Variants in IL1RAPL2 observed in about 807,000 individuals in gnomAD.
IL1RAPL2 encodes X-linked interleukin-1 receptor accessory protein-like 2.
IL1RAPL2 carries 3 observed loss-of-function variants against 44.1 expected under a neutral mutation model. The ratio of observed to expected loss-of-function variants is 0.07; its 90% confidence interval spans 0.03 to 0.18. The LOEUF (loss-of-function observed/expected upper bound fraction) is 0.18. Ranked by LOEUF, IL1RAPL2 falls within the 10% of genes least tolerant of loss-of-function variation. The pLI is 1.00. For synonymous variants in IL1RAPL2, 181 were observed against 178.8 expected (o/e 1.01, Z -0.10); for missense variants, 391 against 496.4 (o/e 0.79, Z 2.02).
At chrX:105,109,767 CAAT>C (rs773802061) in intron 2 of IL1RAPL2, among the ~76,000 whole-genome samples, 11 of 112,203 alleles carry the variant, frequency 9.8e-5, no homozygotes, top group Non-Finnish European at 1.9e-4. Flanking sequence ...AATTATATCT[CAAT>C]AAAGCTGTTA....
chrX:105,606,601 C>G (rs901583014), intron 6 of IL1RAPL2, among the ~76,000 whole-genome samples: 1 of 111,459 alleles, frequency 9.0e-6, no homozygotes, highest in Non-Finnish European at 1.9e-5. Flanking sequence ...TATTTACACC[C>G]CCATGTTTAT....
chrX:105,345,129 C>T lies in IL1RAPL2; in HGVS notation c.697+77588C>T, dbSNP rs183853786. On this transcript the variant is annotated intron_variant, in intron 5 of 10. Transcript: ENST00000372582. ...GTTTCATTTTTAAAATACTTTTAGA[C>T]GACTAATCTACCTAGAGACCTACAT... 7.9e-4 allele frequency among the ~76,000 whole-genome samples: 88 copies of T among 111,441 alleles called. No homozygotes were observed. The East Asian group carries it at 0.021, about 27-fold the overall frequency.
At chrX:104,861,580 G>A (rs748394529) in intron 2 of IL1RAPL2, among the ~76,000 whole-genome samples, 2 of 111,034 alleles carry the variant, frequency 1.8e-5, no homozygotes, top group South Asian at 3.8e-4. Context: ...TGTGTATATG[G>A]TGTGGTAGGT....
At chrX:104,697,348 C>T (rs1467506505) in intron 2 of IL1RAPL2, among the ~76,000 whole-genome samples, 1 of 112,547 alleles carries the variant, frequency 8.9e-6, no homozygotes, top group Non-Finnish European at 1.9e-5. Context: ...CTTTAAGCCT[C>T]CTTCAGTTCT....
intron 2 of IL1RAPL2, among the ~76,000 whole-genome samples, chrX:104,792,958 T>C (rs1053420506): frequency 8.9e-6 from 1 of 112,258 alleles, no homozygotes; most frequent in African/African-American, 3.2e-5. Context: ...ATTATTTCTC[T>C]TGGTCAAAAT....
At chrX:105,585,298 TAG>T (rs770170817) in intron 6 of IL1RAPL2, among the ~76,000 whole-genome samples, 6 of 110,671 alleles carry the variant, frequency 5.4e-5, no homozygotes, top group Non-Finnish European at 1.1e-4. Context: ...TCCTAGGTAC[TAG>T]AGTTTGTTGT....
chrX:105,432,497 C>T (rs964379877), intron 5 of IL1RAPL2, among the ~76,000 whole-genome samples: 4 of 110,628 alleles, frequency 3.6e-5, no homozygotes, highest in Non-Finnish European at 5.7e-5. Flanking sequence ...TGTGGAAATA[C>T]AGATAGGAAA....
At chrX:105,740,001 C>G (rs1262274489) in intron 7 of IL1RAPL2, among the ~76,000 whole-genome samples, 1 of 101,377 alleles carries the variant, frequency 9.9e-6, no homozygotes, top group African/African-American at 3.7e-5. Context: ...CACATCCTCT[C>G]CAGCACCTGT....
At chrX:104,805,030 T>G (rs909034282) in intron 2 of IL1RAPL2, among the ~76,000 whole-genome samples, 3 of 112,038 alleles carry the variant, frequency 2.7e-5, no homozygotes, top group African/African-American at 9.7e-5. Flanking sequence ...ATAGTGCCTT[T>G]TTCTCCTGCT....
intron 5 of IL1RAPL2, among the ~76,000 whole-genome samples, chrX:105,432,008 G>C (rs960906488): frequency 1.8e-5 from 2 of 109,961 alleles, no homozygotes; most frequent in Non-Finnish European, 3.8e-5. Context: ...ATTGTGACCA[G>C]GTTTATCAAC....
At chrX:105,113,202 T>C (rs1277414315) in intron 2 of IL1RAPL2, among the ~76,000 whole-genome samples, 1 of 112,508 alleles carries the variant, frequency 8.9e-6, no homozygotes, top group Non-Finnish European at 1.9e-5. Context: ...GAAATAAGCC[T>C]ATCTACCTTG....
chrX:104,659,905 C>T (rs763384079), intron 2 of IL1RAPL2, among the ~76,000 whole-genome samples: 9 of 111,409 alleles, frequency 8.1e-5, no homozygotes, highest in Non-Finnish European at 1.3e-4. Context: ...TGGAGTTTGG[C>T]TAATGTTTGT....
chrX:104,748,664 C>G (rs905083776), intron 2 of IL1RAPL2, among the ~76,000 whole-genome samples: 1 of 111,270 alleles, frequency 9.0e-6, no homozygotes, highest in Non-Finnish European at 1.9e-5. Context: ...GCCCACAGCC[C>G]TGGGTGGGAT....
intron 5 of IL1RAPL2, among the ~76,000 whole-genome samples, chrX:105,318,895 T>C (rs2034874904): frequency 8.9e-6 from 1 of 112,350 alleles, no homozygotes; most frequent in African/African-American, 3.2e-5. Flanking sequence ...CAAAGGGAAT[T>C]ATAGCTATCG....
At chrX:105,255,467 G>C (rs754623445) in intron 4 of IL1RAPL2, among the ~76,000 whole-genome samples, 10 of 111,926 alleles carry the variant, frequency 8.9e-5, no homozygotes, top group African/African-American at 2.9e-4. Flanking sequence ...CCATTACTGG[G>C]TATATTCCAG....
At chrX:104,889,565 C>A (rs891812795) in intron 2 of IL1RAPL2, among the ~76,000 whole-genome samples, 1 of 111,475 alleles carries the variant, frequency 9.0e-6, no homozygotes, top group African/African-American at 3.3e-5. Flanking sequence ...TTCTAAGTCC[C>A]AACATTAACA....
intron 1 of IL1RAPL2, among the ~76,000 whole-genome samples, chrX:104,638,882 C>T (rs760639815): frequency 1.2e-4 from 14 of 112,003 alleles, no homozygotes; most frequent in Non-Finnish European, 2.6e-4. Flanking sequence ...TCAATTTGGT[C>T]CAAAGTCCAG....
At chrX:104,921,767 C>T (rs1170595486) in intron 2 of IL1RAPL2, among the ~76,000 whole-genome samples, 2 of 112,463 alleles carry the variant, frequency 1.8e-5, no homozygotes, top group Non-Finnish European at 3.8e-5. Flanking sequence ...GTTTCTGCCT[C>T]AGGGAGTATC....
intron 2 of IL1RAPL2, among the ~76,000 whole-genome samples, chrX:104,791,217 C>G: frequency 9.5e-6 from 1 of 104,733 alleles, no homozygotes; most frequent in Non-Finnish European, 2.0e-5. Context: ...TTCCCTCTCC[C>G]TCCTCTCTCC....
Sources: gnomAD v4.1 joint callset for allele counts (sites outside exome capture counted in the v4.1 genomes callset) on GRCh38, gnomAD v4.1.1 for gene constraint, MANE v1.5 for transcripts, NCBI Gene and HGNC (gene_info 2026-07-23, HGNC 2026-07-21) for gene names.